STXBP6: variants seen among roughly 807,000 people sequenced by gnomAD.
STXBP6 encodes the protein syntaxin binding protein 6, also known as syntaxin-binding protein 6.
In STXBP6, 21 loss-of-function variants were observed where a neutral mutation model predicts 26.9. The observed-to-expected ratio is 0.78, with a 90% confidence interval of 0.55 to 1.12. STXBP6 has a LOEUF of 1.12. Among genes scored for constraint, STXBP6 ranks in the 50% most tolerant of loss-of-function variants. The pLI is 0.00. For synonymous variants in STXBP6, 97 were observed against 92.6 expected (o/e 1.05, Z -0.27); for missense variants, 232 against 257.9 (o/e 0.90, Z 0.69).
At chr14:25,032,253 C>T (rs2075471849) in intron 1 of STXBP6, among the ~76,000 whole-genome samples, 1 of 152,126 alleles carries the variant, frequency 6.6e-6, no homozygotes, top group African/African-American at 2.4e-5. Flanking sequence ...CTGGAACTAG[C>T]CTCTCTCTGG....
chr14:24,840,112 AC>A lies in STXBP6; in HGVS notation c.451+15823del, dbSNP rs1316573077. 3.3e-5 allele frequency among the ~76,000 whole-genome samples: 5 copies of A among 152,240 alleles called. 1 individual carries two copies. Among genetic ancestry groups the A allele is most frequent in the South Asian group, 2.1e-4 (1 of 4,834 alleles). On this transcript the variant is annotated intron_variant, in intron 4 of 5. Transcript: ENST00000323944. ...GAACTACTACTCTATTTTACAAAAA[AC>A]AAAAACCATGGCTTAGACAGGTTAT... is the stretch of plus-strand genomic sequence containing the variant.
chr14:24,863,297 A>G (rs1566422807), intron 2 of STXBP6, among the ~76,000 whole-genome samples: 1 of 151,896 alleles, frequency 6.6e-6, no homozygotes, highest in Non-Finnish European at 1.5e-5. Flanking sequence ...ATTTTTTTTT[A>G]AGTTTTTATT....
intron 1 of STXBP6, among the ~76,000 whole-genome samples, chr14:25,037,934 C>T (rs2075581562): frequency 1.3e-5 from 2 of 152,178 alleles, no homozygotes; most frequent in Non-Finnish European, 2.9e-5. Context: ...CTCTATATAC[C>T]ACTTCATGTC....
At chr14:24,915,067 T>A (rs56253529) in intron 2 of STXBP6, among the ~76,000 whole-genome samples, 6,114 of 152,214 alleles carry the variant, frequency 0.04, 356 homozygotes, top group African/African-American at 0.13. Context: ...TGAGGACAAT[T>A]TGTCATGTTT....
At chr14:24,896,370 T>C (rs1165837442) in intron 2 of STXBP6, among the ~76,000 whole-genome samples, 1 of 152,188 alleles carries the variant, frequency 6.6e-6, no homozygotes, top group Non-Finnish European at 1.5e-5. Context: ...TGTAGCTCCT[T>C]ATTTCAAGAA....
intron 2 of STXBP6, among the ~76,000 whole-genome samples, chr14:24,896,355 T>C (rs2070991672): frequency 6.6e-6 from 1 of 152,194 alleles, no homozygotes; most frequent in Non-Finnish European, 1.5e-5. Context: ...TCTGGAGTCC[T>C]GGGGTGTAGC....
At chr14:24,894,233 A>C (rs970518865) in intron 2 of STXBP6, among the ~76,000 whole-genome samples, 23 of 152,234 alleles carry the variant, frequency 1.5e-4, no homozygotes, top group Non-Finnish European at 2.1e-4. Flanking sequence ...ATAAGAGAGA[A>C]GACGTAGGTC....
chr14:25,005,631 T>C lies in STXBP6; in HGVS notation c.-32-30781A>G, dbSNP rs1215194085. 3.3e-5 allele frequency among the ~76,000 whole-genome samples: 5 copies of C among 152,152 alleles called. No individual in the cohort carries two copies. The East Asian group carries it at 9.6e-4, about 29-fold the overall frequency. ...ATGCTTACACACAAACTCAACATGG[T>C]GATACTACACTTTTGTGGAGTCAAA... On this transcript the variant is annotated intron_variant, in intron 1 of 5. Coordinates refer to ENST00000323944, the MANE Select transcript of STXBP6 (RefSeq NM_001394410.1).
intron 1 of STXBP6, among the ~76,000 whole-genome samples, chr14:25,032,321 T>G (rs2075473655): frequency 6.6e-6 from 1 of 152,142 alleles, no homozygotes. Flanking sequence ...AGGATCAAGA[T>G]CAAGACAACA....
At chr14:24,829,770 C>T (rs1373002221) in intron 4 of STXBP6, among the ~76,000 whole-genome samples, 1 of 151,976 alleles carries the variant, frequency 6.6e-6, no homozygotes, top group East Asian at 1.9e-4. Flanking sequence ...GACATACTCT[C>T]CACACACATT....
chr14:24,849,470 G>A (rs528520244), intron 4 of STXBP6, among the ~76,000 whole-genome samples: 3 of 152,232 alleles, frequency 2.0e-5, no homozygotes, highest in Non-Finnish European at 2.9e-5. Flanking sequence ...TTAAGGGAAC[G>A]TGGAAGTCAC....
At chr14:25,046,266 T>C (rs934137585) in intron 1 of STXBP6, among the ~76,000 whole-genome samples, 1 of 152,216 alleles carries the variant, frequency 6.6e-6, no homozygotes, top group Non-Finnish European at 1.5e-5. Flanking sequence ...AATAGAAATG[T>C]TCCCTACTTA....
chr14:24,922,936 C>T (rs1445713358), intron 2 of STXBP6, among the ~76,000 whole-genome samples: 3 of 151,844 alleles, frequency 2.0e-5, no homozygotes, highest in Non-Finnish European at 2.9e-5. Context: ...TTTTCTCTCT[C>T]GGTTAAGAAG....
chr14:24,997,478 C>T lies in STXBP6; in HGVS notation c.-32-22628G>A, dbSNP rs780371261. Among the ~76,000 whole-genome samples, 20 of 152,292 alleles carry T rather than the reference C, an allele frequency of 1.3e-4. No homozygotes were observed. The Middle Eastern group carries it at 0.014, about 104-fold the overall frequency. On this transcript the variant is annotated intron_variant, in intron 1 of 5. Transcript: ENST00000323944. Reference sequence around the variant, plus strand: ...ATTCCTACTGAATATTTTGCAACTTCTATCAGTACCCATGGATACTACTGT... The same window carrying T: ...ATTCCTACTGAATATTTTGCAACTTTTATCAGTACCCATGGATACTACTGT...
intron 2 of STXBP6, among the ~76,000 whole-genome samples, chr14:24,879,076 T>C (rs1486766176): frequency 1.3e-5 from 2 of 151,438 alleles, no homozygotes; most frequent in South Asian, 2.1e-4. Flanking sequence ...AAAAAACAAA[T>C]GGTCAGGTGA....
chr14:24,900,139 T>G (rs142980484), intron 2 of STXBP6, among the ~76,000 whole-genome samples: 3 of 152,210 alleles, frequency 2.0e-5, no homozygotes, highest in Non-Finnish European at 4.4e-5. Context: ...AATATTAGAT[T>G]TTTCTTTTTT....
chr14:24,962,291 ATTTAT>A, intron 2 of STXBP6, among the ~76,000 whole-genome samples: 1 of 5,196 alleles, frequency 1.9e-4, no homozygotes, highest in African/African-American at 1.7e-3. Flanking sequence ...AAGATATTTT[ATTTAT>A]TTATTTATTT....
intron 2 of STXBP6, among the ~76,000 whole-genome samples, chr14:24,954,529 G>A (rs888170538): frequency 2.0e-5 from 3 of 152,084 alleles, no homozygotes; most frequent in Non-Finnish European, 4.4e-5. Flanking sequence ...GTGCCTTTTT[G>A]CTAAGAGAGT....
chr14:24,991,956 C>T (rs1035568683), intron 1 of STXBP6, among the ~76,000 whole-genome samples: 3 of 152,186 alleles, frequency 2.0e-5, no homozygotes, highest in African/African-American at 7.2e-5. Flanking sequence ...CGACCATTCT[C>T]CTTCCTGCTG....
Sources: gnomAD v4.1 joint callset for allele counts (sites outside exome capture counted in the v4.1 genomes callset) on GRCh38, gnomAD v4.1.1 for gene constraint, MANE v1.5 for transcripts, NCBI Gene and HGNC (gene_info 2026-07-23, HGNC 2026-07-21) for gene names.